The following PDE4D variants were observed in gnomAD, a reference collection of about 807,000 sequenced individuals.
PDE4D encodes the protein 3',5'-cyclic-AMP phosphodiesterase 4D.
PDE4D carries 24 observed loss-of-function variants against 87.4 expected under a neutral mutation model. That is an observed-to-expected ratio of 0.27 (90% CI 0.20 to 0.39). The LOEUF is 0.39. Ranked by LOEUF, PDE4D falls within the 10% of genes least tolerant of loss-of-function variation. The pLI is 1.00. For missense variants in PDE4D, 714 were observed against 1,041.0 expected, an observed-to-expected ratio of 0.69 and a Z score of 4.32; for synonymous variants, 384 against 383.2, an observed-to-expected ratio of 1.00 and a Z score of -0.02.
intron 2 of PDE4D, among the ~76,000 whole-genome samples, chr5:59,206,688 T>C (rs893186191): frequency 6.6e-6 from 1 of 152,168 alleles, no homozygotes; most frequent in African/African-American, 2.4e-5. Flanking sequence ...GGATCTATGG[T>C]GTCTTCAAAT....
chr5:60,385,709 T>C (rs1762149943), intron 1 of PDE4D, among the ~76,000 whole-genome samples: 1 of 152,136 alleles, frequency 6.6e-6, no homozygotes, highest in Non-Finnish European at 1.5e-5. Flanking sequence ...CTACTAACGG[T>C]CCCCAAGTCC....
chr5:60,131,272 G>A (rs546247448), intron 2 of PDE4D, among the ~76,000 whole-genome samples: 1 of 152,258 alleles, frequency 6.6e-6, no homozygotes, highest in African/African-American at 2.4e-5. Context: ...ATGGGGCTGA[G>A]AACAGATGTG....
chr5:59,401,791 T>C (rs956539990), intron 1 of PDE4D, among the ~76,000 whole-genome samples: 1 of 152,228 alleles, frequency 6.6e-6, no homozygotes, highest in African/African-American at 2.4e-5. Flanking sequence ...GGAACTGTGC[T>C]GCTCTGGAGA....
At chr5:59,875,512 G>A (rs1261655372) in intron 1 of PDE4D, among the ~76,000 whole-genome samples, 5 of 128,874 alleles carry the variant, frequency 3.9e-5, no homozygotes, top group African/African-American at 1.4e-4. Context: ...TATCCTGCTT[G>A]AAAAAGGACA....
chr5:60,277,104 A>G (rs4276368), intron 1 of PDE4D, among the ~76,000 whole-genome samples: 20,394 of 151,802 alleles, frequency 0.13, 1,463 homozygotes, highest in South Asian at 0.29. Context: ...TAAGGTATAT[A>G]AAACAATATT....
chr5:60,277,518 A>T (rs1013288880), intron 1 of PDE4D, among the ~76,000 whole-genome samples: 1 of 152,160 alleles, frequency 6.6e-6, no homozygotes, highest in East Asian at 1.9e-4. Flanking sequence ...TAATGCAGTT[A>T]TATAGGATAA....
At chr5:59,677,580 CT>C (rs1161803661) in intron 1 of PDE4D, among the ~76,000 whole-genome samples, 1 of 152,150 alleles carries the variant, frequency 6.6e-6, no homozygotes, top group Non-Finnish European at 1.5e-5. Context: ...AGTTAAATTA[CT>C]TTTTTGTACA....
chr5:59,851,258 C>T (rs1329499232), intron 1 of PDE4D, among the ~76,000 whole-genome samples: 2 of 152,050 alleles, frequency 1.3e-5, no homozygotes, highest in Non-Finnish European at 2.9e-5. Context: ...ATTTCTATCA[C>T]CCTGACTGAC....
At chr5:59,570,671 C>A (rs957147367) in intron 1 of PDE4D, among the ~76,000 whole-genome samples, 2 of 151,188 alleles carry the variant, frequency 1.3e-5, no homozygotes, top group Non-Finnish European at 3.0e-5. Context: ...TGCAAAACTC[C>A]AAGAAAATCA....
At chr5:59,730,100 C>T (rs1179489870) in intron 1 of PDE4D, among the ~76,000 whole-genome samples, 3 of 152,020 alleles carry the variant, frequency 2.0e-5, no homozygotes, top group Non-Finnish European at 4.4e-5. Context: ...GTGAACCTTG[C>T]TCTATCACAA....
At chr5:59,785,452 AC>A (rs1765075188) in intron 1 of PDE4D, among the ~76,000 whole-genome samples, 1 of 152,250 alleles carries the variant, frequency 6.6e-6, no homozygotes, top group East Asian at 1.9e-4. Context: ...TGGAAAAAGC[AC>A]AAAGATATAT....
At chr5:60,327,396 G>A (rs1048596921) in intron 1 of PDE4D, among the ~76,000 whole-genome samples, 1 of 152,172 alleles carries the variant, frequency 6.6e-6, no homozygotes, top group African/African-American at 2.4e-5. Flanking sequence ...TAGTAGGAGA[G>A]CAACTTTCAC....
intron 1 of PDE4D, among the ~76,000 whole-genome samples, chr5:60,474,114 A>ATATGTGTG (rs1554041518): frequency 2.5e-5 from 2 of 78,956 alleles, no homozygotes; most frequent in South Asian, 4.2e-4. Context: ...CCATATATAT[A>ATATGTGTG]TATATATATA....
At chr5:59,335,656 G>T (rs1777531144) in intron 1 of PDE4D, among the ~76,000 whole-genome samples, 1 of 152,084 alleles carries the variant, frequency 6.6e-6, no homozygotes, top group Non-Finnish European at 1.5e-5. Flanking sequence ...CCCTCTCAGG[G>T]ATGAAGTAAG....
At chr5:59,484,341 T>C (rs1438979699) in intron 1 of PDE4D, among the ~76,000 whole-genome samples, 1 of 152,230 alleles carries the variant, frequency 6.6e-6, no homozygotes. Context: ...TAATGGACTA[T>C]AATTGTCTAC....
At chr5:59,545,629 A>G (rs764793855) in intron 1 of PDE4D, among the ~76,000 whole-genome samples, 27 of 152,218 alleles carry the variant, frequency 1.8e-4, no homozygotes, top group Non-Finnish European at 1.2e-4. Context: ...TTTCACCTAG[A>G]TTACAGGAAA....
chr5:59,466,121 C>T (rs1401800960), intron 1 of PDE4D, among the ~76,000 whole-genome samples: 3 of 152,072 alleles, frequency 2.0e-5, no homozygotes, highest in Admixed American at 6.6e-5. Context: ...TAGAATATAA[C>T]AAAACCTGAA....
intron 2 of PDE4D, among the ~76,000 whole-genome samples, chr5:60,069,900 T>A (rs1772523806): frequency 6.6e-6 from 1 of 152,106 alleles, no homozygotes; most frequent in Non-Finnish European, 1.5e-5. Flanking sequence ...GTTAGTTAGG[T>A]TTAGGTGTAT....
chr5:60,131,946 T>C (rs1401419992), intron 2 of PDE4D, among the ~76,000 whole-genome samples: 1 of 152,234 alleles, frequency 6.6e-6, no homozygotes, highest in Admixed American at 6.5e-5. Context: ...AAATATTCTC[T>C]GCAATAATTG....
Sources: allele counts gnomAD v4.1 joint callset (sites outside exome capture counted in the v4.1 genomes callset), GRCh38; gene constraint gnomAD v4.1.1; transcripts MANE v1.5; gene names NCBI Gene and HGNC (gene_info 2026-07-23, HGNC 2026-07-21).